The following TSHR variants were observed in gnomAD, a reference collection of about 807,000 sequenced individuals.
TSHR encodes the protein thyroid stimulating hormone receptor, also known as thyrotropin receptor.
A neutral mutation model predicts 64.1 loss-of-function variants in TSHR; 51 were observed. That is an observed-to-expected ratio of 0.80 (90% CI 0.64 to 1.01). The LOEUF (loss-of-function observed/expected upper bound fraction) is 1.01. Ranked by LOEUF, TSHR falls within the 50% of genes least tolerant of loss-of-function variation. The pLI is 0.00. For missense variants in TSHR, 877 were observed against 942.8 expected (o/e 0.93, Z 0.91); for synonymous variants, 361 against 361.9 (o/e 1.00, Z 0.03).
intron 8 of TSHR, among the ~76,000 whole-genome samples, chr14:81,120,590 T>C (rs2284738): frequency 0.31 from 46,542 of 152,070 alleles, 8,025 homozygotes; most frequent in East Asian, 0.53. Flanking sequence ...GGAGGCTTTC[T>C]GATTTTCTGT....
chr14:81,062,588 G>A (rs1886322972), intron 2 of TSHR, among the ~76,000 whole-genome samples: 1 of 151,948 alleles, frequency 6.6e-6, no homozygotes, highest in Admixed American at 6.6e-5. Flanking sequence ...ATCTGTCCTA[G>A]TCACCAAGTC....
In TSHR at chr14:81,139,788, A is replaced by G. The variant is rs535187721; in HGVS notation, c.802A>G (p.Ser268Gly). Residue 268 changes from serine (S) to glycine (G), a missense_variant, in exon 9 of 10, where the codon AGT becomes GGT. Physicochemically the swap from Ser to Gly is moderately conservative, Grantham distance 56. Transcript: ENST00000298171. The part of the protein sequence containing the change: ...WTLKKLPLSL[S>G]FLHLTRADLS... ...TCTTAAGAAACTTCCACTTTCCTTG[A>G]GTTTCCTTCACCTCACACGGGCTGA... The G allele has an allele frequency of 6.2e-7, 1 of 1,614,206 alleles. No individual in the cohort carries two copies. The highest frequency in any genetic ancestry group is 2.2e-5 in the East Asian group (1 of 44,886).
intron 1 of TSHR, among the ~76,000 whole-genome samples, chr14:81,009,355 T>C (rs1889788045): frequency 6.6e-6 from 1 of 152,188 alleles, no homozygotes; most frequent in Non-Finnish European, 1.5e-5. Flanking sequence ...GCAGTTTCTT[T>C]ATTATGGAAT....
chr14:81,096,683 T>C lies in TSHR; in HGVS notation c.590T>C (p.Phe197Ser). The stretch of plus-strand genomic sequence containing the variant: ...TTTACTTCAGTCCAAGGATATGCTT[T>C]CAATGGGACAAAGCTGGATGCTGTG... ...NGFTSVQGYA[F>S]NGTKLDAVYL... Residue 197 changes from phenylalanine (F) to serine (S), a missense_variant, in exon 7 of 10, where the codon TTC becomes TCC. By Grantham distance (155) the Phe-to-Ser change is radical (BLOSUM62 -2). Transcript: ENST00000298171. 2.5e-6 allele frequency: 4 copies of C among 1,613,816 alleles called. No homozygotes were observed. Among genetic ancestry groups the C allele is most frequent in the Non-Finnish European group, 3.4e-6 (4 of 1,179,756 alleles).
intron 1 of TSHR, chr14:81,032,824 TA>T: frequency 2.6e-6 from 1 of 386,262 alleles, no homozygotes. Flanking sequence ...GTTAAGATGC[TA>T]AGATACTATC....
Position 81,079,654 on chromosome 14 carries a change from C to T in TSHR, c.318-8300C>T, listed in dbSNP as rs1595066806. ...ATGGCTTGAGCCCAGGAGTTTGAGA[C>T]CAGCCTGGGCGGCAGAGTGAGACAT... On this transcript the variant is annotated intron_variant, in intron 3 of 9. Coordinates refer to ENST00000298171, the MANE Select transcript of TSHR (RefSeq NM_000369.5). 2.6e-5 allele frequency among the ~76,000 whole-genome samples: 4 copies of T among 152,250 alleles called. No homozygotes were observed. In the South Asian group the frequency reaches 8.3e-4, roughly 32 times the overall value.
intron 8 of TSHR, among the ~76,000 whole-genome samples, chr14:81,111,535 AG>A (rs1890224375): frequency 6.6e-6 from 1 of 152,176 alleles, no homozygotes; most frequent in Non-Finnish European, 1.5e-5. Flanking sequence ...GTGGCTTGCA[AG>A]GCATTGCCAT....
chr14:81,106,639 C>G (rs1889910439), intron 7 of TSHR, among the ~76,000 whole-genome samples: 1 of 152,034 alleles, frequency 6.6e-6, no homozygotes, highest in Non-Finnish European at 1.5e-5. Flanking sequence ...AGCTAGTTCT[C>G]AATCTCTATT....
rs1033617363 is a variant in TSHR at position 81,115,400 on chromosome 14, C to T, written c.692+6948C>T. Among the ~76,000 whole-genome samples the T allele has an allele frequency of 3.6e-4, 51 of 143,576 alleles. 3 individuals carry two copies. Among genetic ancestry groups the T allele is most frequent in the African/African-American group, 1.1e-3 (41 of 36,148 alleles). 94.2% of individuals were successfully genotyped at this position (143,576 alleles called of 152,430 possible). ...TGAAGAATGCAGAAGCCTCAGGAGCCGATGTGATCAACTGGAAGAAAGGGT... is the reference window on the plus strand; with the variant it reads ...TGAAGAATGCAGAAGCCTCAGGAGCTGATGTGATCAACTGGAAGAAAGGGT... On this transcript the variant is annotated intron_variant, in intron 8 of 9. Transcript: ENST00000298171.
At chr14:81,018,124 T>G (rs1217130977) in intron 1 of TSHR, among the ~76,000 whole-genome samples, 2 of 152,162 alleles carry the variant, frequency 1.3e-5, no homozygotes, top group Non-Finnish European at 2.9e-5. Context: ...CCTAACATAC[T>G]CTATTGAATT....
At chr14:81,002,351 C>T (rs865941988) in intron 1 of TSHR, among the ~76,000 whole-genome samples, 3 of 152,198 alleles carry the variant, frequency 2.0e-5, no homozygotes, top group South Asian at 2.1e-4. Flanking sequence ...AATCCTATCT[C>T]TAAATATCAG....
chr14:80,957,419 A>G (rs991087641), intron 1 of TSHR, among the ~76,000 whole-genome samples: 1 of 151,586 alleles, frequency 6.6e-6, no homozygotes, highest in Admixed American at 6.6e-5. Flanking sequence ...CTGCCATTCA[A>G]CCCCGAATTC....
At chr14:81,026,963 G>T (rs575027736) in intron 1 of TSHR, among the ~76,000 whole-genome samples, 2 of 151,422 alleles carry the variant, frequency 1.3e-5, no homozygotes, top group East Asian at 3.9e-4. Context: ...TTGAACCTGG[G>T]AGGCGGAGGT....
chr14:81,123,827 G>T (rs529296966), intron 8 of TSHR, among the ~76,000 whole-genome samples: 146 of 152,090 alleles, frequency 9.6e-4, no homozygotes, highest in African/African-American at 3.4e-3. Context: ...GTATAATAAG[G>T]TTTTTTATTG....
chr14:80,956,867 G>T (rs185678195), intron 1 of TSHR, among the ~76,000 whole-genome samples: 96 of 152,240 alleles, frequency 6.3e-4, no homozygotes, highest in African/African-American at 2.2e-3. Context: ...GAATTAATTA[G>T]TTCAATAACC....
At position 81,135,631 on chromosome 14, in the gene TSHR, C is replaced by T. The variant is rs148002432; in HGVS notation, c.693-4048C>T. Among the ~76,000 whole-genome samples the T allele has an allele frequency of 2.0e-5, 3 of 152,168 alleles. No homozygotes were observed. In the East Asian group the frequency reaches 5.8e-4, roughly 29 times the overall value. On this transcript the variant is annotated intron_variant, in intron 8 of 9. Transcript: ENST00000298171. ...TTGTTGTAAATATTCACGGCATGAA[C>T]GTAGGGCAAGGGCAAGAGAGACTCC...
chr14:81,086,586 C>T (rs1888301602), intron 3 of TSHR, among the ~76,000 whole-genome samples: 1 of 152,114 alleles, frequency 6.6e-6, no homozygotes, highest in Admixed American at 6.5e-5. Context: ...TTATTTAATC[C>T]TCACAAAAGC....
chr14:81,143,526 A>G lies in TSHR; in HGVS notation c.1468A>G (p.Thr490Ala). 3.7e-6 allele frequency: 6 copies of G among 1,613,618 alleles called. No homozygotes were observed. The highest frequency in any genetic ancestry group is 5.1e-6 in the Non-Finnish European group (6 of 1,180,032). The change falls in exon 10 of 10, where the codon ACA (threonine) becomes GCA (alanine). Residue 490 changes from threonine (T) to alanine (A), a missense_variant. Coordinates refer to ENST00000298171, the MANE Select transcript of TSHR (RefSeq NM_000369.5). ...EYYNHAIDWQ[T>A]GPGCNTAGFF... ...CTACAACCATGCCATCGACTGGCAGACAGGCCCTGGGTGCAACACGGCTGG... is the reference window on the plus strand; with the variant it reads ...CTACAACCATGCCATCGACTGGCAGGCAGGCCCTGGGTGCAACACGGCTGG...
chr14:81,119,277 C>T (rs1890678630), intron 8 of TSHR, among the ~76,000 whole-genome samples: 2 of 146,582 alleles, frequency 1.4e-5, no homozygotes, highest in Admixed American at 1.3e-4. Flanking sequence ...GCAACCCACT[C>T]ATCTGACAAA....
Sources: gnomAD v4.1 joint callset for allele counts (sites outside exome capture counted in the v4.1 genomes callset) on GRCh38, gnomAD v4.1.1 for gene constraint, MANE v1.5 for transcripts, NCBI Gene and HGNC (gene_info 2026-07-23, HGNC 2026-07-21) for gene names.